The following CLYBL variants were observed in gnomAD, a reference collection of about 807,000 sequenced individuals.
CLYBL encodes the protein citramalyl-CoA lyase, mitochondrial.
In CLYBL, 31 loss-of-function variants were observed where a neutral mutation model predicts 38.9. The ratio of observed to expected loss-of-function variants is 0.80; its 90% confidence interval spans 0.60 to 1.08. CLYBL has a LOEUF of 1.08. CLYBL is among the 50% of genes least tolerant of loss of function. The probability of loss-of-function intolerance (pLI) is 0.00; values close to 1 mark genes in which losing one functional copy is unlikely to be tolerated. For missense variants in CLYBL, 434 were observed against 411.6 expected (o/e 1.05, Z -0.47); for synonymous variants, 171 against 158.6 (o/e 1.08, Z -0.59).
At chr13:99,901,980 A>AACAT (rs1363705227), downstream of CLYBL, among the ~76,000 whole-genome samples, 105 of 152,318 alleles carry the variant, frequency 6.9e-4, no homozygotes, top group African/African-American at 2.5e-3. Context: ...ATGCAAAGCC[A>AACAT]ACATTCAGCT....
chr13:99,618,115 A>G (rs1256028962), intron 1 of CLYBL, among the ~76,000 whole-genome samples: 1 of 152,174 alleles, frequency 6.6e-6, no homozygotes, highest in Non-Finnish European at 1.5e-5. Context: ...CATTGCTACT[A>G]TATATCCAGA....
At chr13:99,892,922 C>A (rs2052521570), downstream of CLYBL, 1 of 152,482 alleles carries the variant, frequency 6.6e-6, no homozygotes, top group African/African-American at 2.4e-5. Flanking sequence ...CAGAGTCCCA[C>A]CGCCACCAGG....
chr13:99,788,099 G>A (rs905958510), intron 2 of CLYBL, among the ~76,000 whole-genome samples: 19 of 152,188 alleles, frequency 1.2e-4, no homozygotes, highest in African/African-American at 2.9e-4. Flanking sequence ...GAGATTTTGG[G>A]CTGAGACGAT....
At chr13:99,887,062 T>C (rs975881768) in intron 7 of CLYBL, among the ~76,000 whole-genome samples, 3 of 152,228 alleles carry the variant, frequency 2.0e-5, no homozygotes, top group African/African-American at 7.2e-5. Flanking sequence ...AAGAGGACTC[T>C]TCAGTTTATA....
intron 2 of CLYBL, among the ~76,000 whole-genome samples, chr13:99,832,901 C>A (rs1237651578): frequency 2.1e-5 from 3 of 146,036 alleles, no homozygotes; most frequent in East Asian, 2.0e-4. Context: ...AGAAAAAAAC[C>A]CAAAAGAATT....
intron 2 of CLYBL, among the ~76,000 whole-genome samples, chr13:99,834,197 T>C (rs1403220500): frequency 6.6e-6 from 1 of 152,082 alleles, no homozygotes; most frequent in Admixed American, 6.5e-5. Flanking sequence ...GGGAGACCCC[T>C]CAGGACCACG....
Position 99,866,267 on chromosome 13 carries a change from A to T in CLYBL, c.662A>T (p.Asp221Val). Residue 221 changes from aspartate (D) to valine (V), a missense_variant, in exon 6 of 9, where the codon GAT becomes GTT. Physicochemically the swap from Asp to Val is radical, Grantham distance 152 (BLOSUM62 -3). Transcript: ENST00000339105. ...GCAACAAGTAGTAAAGAAACCCTGG[A>T]TATTCTCTACGCCCGGCAAAAGATT... ...IGATSSKETL[D>V]ILYARQKIVV... The T allele has an allele frequency of 6.2e-7, 1 of 1,613,998 alleles. No individual in the cohort carries two copies. Among genetic ancestry groups the T allele is most frequent in the Non-Finnish European group, 8.5e-7 (1 of 1,180,016 alleles).
At chr13:99,638,459 C>A (rs1247112964) in intron 1 of CLYBL, among the ~76,000 whole-genome samples, 1 of 152,230 alleles carries the variant, frequency 6.6e-6, no homozygotes, top group Non-Finnish European at 1.5e-5. Flanking sequence ...TTTACAACAT[C>A]ATCTGAACAA....
chr13:99,897,608 G>A (rs192471810), downstream of CLYBL, among the ~76,000 whole-genome samples: 156 of 152,214 alleles, frequency 1.0e-3, no homozygotes, highest in Non-Finnish European at 2.0e-3. Context: ...CTCCTCTGTC[G>A]GTGAAACTTT....
intron 2 of CLYBL, among the ~76,000 whole-genome samples, chr13:99,843,321 C>G (rs1472592318): frequency 6.6e-6 from 1 of 152,196 alleles, no homozygotes; most frequent in Non-Finnish European, 1.5e-5. Context: ...GGGCAACTGT[C>G]ACATCCCCAA....
rs369385703 is a variant in CLYBL at position 99,632,039 on chromosome 13, C to T, written c.62+25282C>T. ...GGTTTGTAGCTTTAACCTGAAGGTA[C>T]TCCCAAAGCTAATTAAGTGGCCAAA... On this transcript the variant is annotated intron_variant, in intron 1 of 8. Transcript: ENST00000339105. Among the ~76,000 whole-genome samples, 8 of 152,276 alleles carry T rather than the reference C, an allele frequency of 5.3e-5. No individual in the cohort carries two copies. The East Asian group carries it at 1.5e-3, about 29-fold the overall frequency.
chr13:99,763,284 G>C (rs888144036), intron 1 of CLYBL, among the ~76,000 whole-genome samples: 6 of 152,082 alleles, frequency 3.9e-5, no homozygotes, highest in African/African-American at 1.4e-4. Flanking sequence ...TCCCTGTTCA[G>C]GATGATGTTA....
chr13:99,795,096 A>G (rs915068600), intron 2 of CLYBL, among the ~76,000 whole-genome samples: 3 of 152,206 alleles, frequency 2.0e-5, no homozygotes, highest in Non-Finnish European at 2.9e-5. Context: ...TGCTGATAAC[A>G]GAGGAGGAAA....
rs116371045 is a variant in CLYBL, at chr13:99,624,201, A to T, written c.62+17444A>T. Among the ~76,000 whole-genome samples, 611 of 152,220 alleles carry T rather than the reference A, an allele frequency of 4.0e-3. 9 individuals are homozygous for T. The highest frequency in any genetic ancestry group is 0.014 in the African/African-American group (596 of 41,550). On this transcript the variant is annotated intron_variant, in intron 1 of 8. Transcript: ENST00000339105. The stretch of plus-strand genomic sequence containing the variant: ...TTTGTCACCAGCCACGAATGTGTGC[A>T]TCTCCCTGTTATGTTTGGTCTCCTG...
Position 99,646,759 on chromosome 13 carries a change from C to T in CLYBL, c.62+40002C>T, listed in dbSNP as rs566250013. Among the ~76,000 whole-genome samples, 4 of 150,844 alleles carry T rather than the reference C, an allele frequency of 2.7e-5. 1 individual carries two copies. The highest frequency in any genetic ancestry group is 2.9e-5 in the Non-Finnish European group (2 of 67,850). ...CAGGTTGGTATTAAACTCCTGACCT[C>T]GTGATCCACCCACCTTGGCCTCCCA... On this transcript the variant is annotated intron_variant, in intron 1 of 8. Transcript: ENST00000339105.
intron 1 of CLYBL, among the ~76,000 whole-genome samples, chr13:99,764,836 A>T (rs1038589051): frequency 6.0e-5 from 9 of 148,958 alleles, no homozygotes; most frequent in African/African-American, 2.2e-4. Context: ...ATGCACCACC[A>T]TGCCTGGCTA....
At chr13:99,639,783 G>C (rs1427890615) in intron 1 of CLYBL, among the ~76,000 whole-genome samples, 1 of 152,208 alleles carries the variant, frequency 6.6e-6, no homozygotes, top group Non-Finnish European at 1.5e-5. Flanking sequence ...TGTAGTCCCA[G>C]CTACTGAGGA....
At chr13:99,657,396 G>A (rs1346303264) in intron 1 of CLYBL, among the ~76,000 whole-genome samples, 3 of 152,220 alleles carry the variant, frequency 2.0e-5, no homozygotes, top group African/African-American at 7.2e-5. Context: ...GTTTTGCTGT[G>A]TCAGGCTCAC....
chr13:99,696,676 A>G (rs2047984617), intron 1 of CLYBL, among the ~76,000 whole-genome samples: 1 of 151,926 alleles, frequency 6.6e-6, no homozygotes. Context: ...TGGGCATGGT[A>G]GCTTGTGCCT....
Sources: gnomAD v4.1 joint callset for allele counts (sites outside exome capture counted in the v4.1 genomes callset) on GRCh38, gnomAD v4.1.1 for gene constraint, MANE v1.5 for transcripts, NCBI Gene and HGNC (gene_info 2026-07-23, HGNC 2026-07-21) for gene names.